TTLL11: variants seen among roughly 807,000 people sequenced by gnomAD.
TTLL11 encodes tubulin polyglutamylase TTLL11.
In TTLL11, 42 loss-of-function variants were observed where a neutral mutation model predicts 51.7. The ratio of observed to expected loss-of-function variants is 0.81; its 90% confidence interval spans 0.64 to 1.05. The LOEUF (loss-of-function observed/expected upper bound fraction) is 1.05. Ranked by LOEUF, TTLL11 falls within the 50% of genes least tolerant of loss-of-function variation. TTLL11 has a pLI of 0.00. For synonymous variants in TTLL11, 381 were observed against 383.5 expected (o/e 0.99, Z 0.08); for missense variants, 799 against 940.4 (o/e 0.85, Z 1.97).
intron 7 of TTLL11, among the ~76,000 whole-genome samples, chr9:121,869,910 G>C (rs1838298640): frequency 6.6e-6 from 1 of 152,172 alleles, no homozygotes; most frequent in South Asian, 2.1e-4. Context: ...AGGAAACCAA[G>C]CGGCAACTGC....
At chr9:122,001,394 G>A (rs986953555) in intron 3 of TTLL11, among the ~76,000 whole-genome samples, 8 of 152,146 alleles carry the variant, frequency 5.3e-5, no homozygotes, top group African/African-American at 1.7e-4. Context: ...GTGAGCCACC[G>A]CACCCAGCTG....
intron 3 of TTLL11, among the ~76,000 whole-genome samples, chr9:122,030,995 G>A (rs1241093887): frequency 1.3e-5 from 2 of 150,370 alleles, no homozygotes; most frequent in Admixed American, 1.3e-4. Context: ...CACAAAGCCT[G>A]GAACATAGCA....
At chr9:121,925,335 C>T (rs1324242075) in intron 6 of TTLL11, among the ~76,000 whole-genome samples, 2 of 152,238 alleles carry the variant, frequency 1.3e-5, no homozygotes, top group African/African-American at 2.4e-5. Context: ...AGATGAGTCC[C>T]AGGCTCCCAG....
chr9:122,092,147 T>C (rs1467835473), intron 1 of TTLL11, among the ~76,000 whole-genome samples: 1 of 152,058 alleles, frequency 6.6e-6, no homozygotes, highest in Non-Finnish European at 1.5e-5. Context: ...ATGAGATAAG[T>C]ATAATTGGCC....
At chr9:121,948,522 C>T (rs191726602) in intron 6 of TTLL11, among the ~76,000 whole-genome samples, 7 of 152,282 alleles carry the variant, frequency 4.6e-5, no homozygotes, top group Admixed American at 1.3e-4. Flanking sequence ...GATTACATGC[C>T]GCTCTCCAAG....
chr9:121,869,055 T>C (rs1838263634), intron 7 of TTLL11, among the ~76,000 whole-genome samples: 1 of 152,216 alleles, frequency 6.6e-6, no homozygotes, highest in African/African-American at 2.4e-5. Flanking sequence ...AGCTATGAAG[T>C]AATGTGCTTG....
chr9:121,946,363 G>A (rs1016201889), intron 6 of TTLL11, among the ~76,000 whole-genome samples: 7 of 151,836 alleles, frequency 4.6e-5, no homozygotes, highest in Non-Finnish European at 8.8e-5. Flanking sequence ...CCCCTGGCAT[G>A]ACCTCATCAG....
Position 121,974,074 on chromosome 9 carries a change from C to A in TTLL11, c.1416G>T (p.Val472=). Residue 472 remains valine, a synonymous_variant, in exon 6 of 9, where the codon GTG becomes GTT. Coordinates refer to ENST00000321582, the MANE Select transcript of TTLL11 (RefSeq NM_001139442.2). ...ENVPSLVDEE[V]KVAVIRDTLR... ...GAGTGTCTCTGATCACAGCCACTTT[C>A]ACTTCTTCATCAACGAGGCTGGGGA... 1.9e-6 allele frequency: 3 copies of A among 1,551,750 alleles called. No individual in the cohort carries two copies. The highest frequency in any genetic ancestry group is 2.6e-6 in the Non-Finnish European group (3 of 1,146,998).
At chr9:122,032,768 T>A (rs1355235249) in intron 2 of TTLL11, among the ~76,000 whole-genome samples, 1 of 151,616 alleles carries the variant, frequency 6.6e-6, no homozygotes, top group Admixed American at 6.6e-5. Flanking sequence ...AAAATTATTA[T>A]CAATTTTAGC....
intron 6 of TTLL11, among the ~76,000 whole-genome samples, chr9:121,898,252 A>G (rs767135766): frequency 4.6e-5 from 7 of 151,074 alleles, no homozygotes; most frequent in Admixed American, 2.0e-4. Context: ...CACCACCCCC[A>G]CCCCCACAGA....
intron 6 of TTLL11, among the ~76,000 whole-genome samples, chr9:121,873,020 C>A (rs550322469): frequency 6.6e-6 from 1 of 152,196 alleles, no homozygotes; most frequent in African/African-American, 2.4e-5. Flanking sequence ...AAAGGCGACA[C>A]TTTTACCGGA....
intron 2 of TTLL11, among the ~76,000 whole-genome samples, chr9:122,035,362 G>A (rs1844673738): frequency 6.6e-6 from 1 of 152,144 alleles, no homozygotes; most frequent in South Asian, 2.1e-4. Context: ...GACACCAAGG[G>A]CTTACCTCCT....
intron 6 of TTLL11, among the ~76,000 whole-genome samples, chr9:121,953,587 C>T (rs1001193399): frequency 2.1e-5 from 3 of 144,476 alleles, no homozygotes; most frequent in Admixed American, 7.2e-5. Flanking sequence ...GAGCTGAGAT[C>T]GCGCTAATGC....
intron 1 of TTLL11, among the ~76,000 whole-genome samples, chr9:122,050,077 C>T (rs1845116506): frequency 6.6e-6 from 1 of 152,124 alleles, no homozygotes; most frequent in Non-Finnish European, 1.5e-5. Flanking sequence ...CAACCCACCA[C>T]ACCCCACTCA....
chr9:122,000,752 T>G (rs1466319466), intron 3 of TTLL11, among the ~76,000 whole-genome samples: 1 of 152,228 alleles, frequency 6.6e-6, no homozygotes, highest in African/African-American at 2.4e-5. Context: ...GGCTGTTGTA[T>G]GGAGAAGCCA....
chr9:122,042,310 C>T (rs969458055), intron 1 of TTLL11, among the ~76,000 whole-genome samples: 4 of 152,198 alleles, frequency 2.6e-5, no homozygotes, highest in African/African-American at 9.6e-5. Flanking sequence ...CTGGAGGTCT[C>T]ACATTTCCTG....
At chr9:122,045,038 T>G (rs1388424015) in intron 1 of TTLL11, among the ~76,000 whole-genome samples, 1 of 151,740 alleles carries the variant, frequency 6.6e-6, no homozygotes, top group Non-Finnish European at 1.5e-5. Context: ...CCCAGGTGTT[T>G]GAGGCTATAG....
chr9:121,871,882 C>T (rs991622570), intron 6 of TTLL11, among the ~76,000 whole-genome samples: 7 of 152,238 alleles, frequency 4.6e-5, no homozygotes, highest in African/African-American at 1.7e-4. Context: ...CTCAAAGGCC[C>T]TCTCTGCAAT....
chr9:121,979,601 T>C (rs964131014), intron 4 of TTLL11, among the ~76,000 whole-genome samples: 3 of 152,192 alleles, frequency 2.0e-5, no homozygotes, highest in African/African-American at 7.2e-5. Flanking sequence ...TTTCTAGACC[T>C]GGCCCATCCC....
Sources: allele counts gnomAD v4.1 joint callset (sites outside exome capture counted in the v4.1 genomes callset), GRCh38; gene constraint gnomAD v4.1.1; transcripts MANE v1.5; gene names NCBI Gene and HGNC (gene_info 2026-07-23, HGNC 2026-07-21).